Variants in SESTD1 observed in about 807,000 individuals in gnomAD.
The protein encoded by SESTD1 is SEC14 domain and spectrin repeat-containing protein 1.
A neutral mutation model predicts 101.7 loss-of-function variants in SESTD1; 43 were observed. The observed-to-expected ratio is 0.42, with a 90% CI of 0.33 to 0.55. The LOEUF (loss-of-function observed/expected upper bound fraction) is 0.55. SESTD1 is among the 20% of genes least tolerant of loss of function. SESTD1 has a pLI of 0.07. For synonymous variants in SESTD1, 283 were observed against 286.8 expected (o/e 0.99, Z 0.13); for missense variants, 647 against 815.1 (o/e 0.79, Z 2.51).
chr2:179,144,259 A>T (rs1231877364), intron 8 of SESTD1, among the ~76,000 whole-genome samples: 1 of 152,118 alleles, frequency 6.6e-6, no homozygotes, highest in Non-Finnish European at 1.5e-5. Context: ...AATATGTTGT[A>T]GGATTTCAGT....
intron 1 of SESTD1, among the ~76,000 whole-genome samples, chr2:179,230,480 T>A (rs2046971346): frequency 6.6e-6 from 1 of 151,374 alleles, no homozygotes; most frequent in African/African-American, 2.4e-5. Context: ...ATGAAAACCA[T>A]CATAAATCAG....
intron 2 of SESTD1, 30 bp from the exon 3 acceptor site, chr2:179,183,218 G>T: frequency 1.4e-6 from 2 of 1,399,912 alleles, no homozygotes; most frequent in Non-Finnish European, 2.0e-6. Flanking sequence ...AATTTAACAT[G>T]TAATACATAT....
At chr2:179,263,196 G>GGTTT in intron 1 of SESTD1, among the ~76,000 whole-genome samples, 1 of 152,014 alleles carries the variant, frequency 6.6e-6, no homozygotes, top group Admixed American at 6.6e-5. Context: ...TTAGTCATGG[G>GGTTT]GCAAAGTATT....
chr2:179,157,491 T>G (rs2045653805), intron 5 of SESTD1, among the ~76,000 whole-genome samples: 1 of 152,038 alleles, frequency 6.6e-6, no homozygotes, highest in Non-Finnish European at 1.5e-5. Context: ...ATAATAACAG[T>G]GTCATTGTTT....
At chr2:179,197,522 T>A (rs1299481976) in intron 1 of SESTD1, among the ~76,000 whole-genome samples, 1 of 151,686 alleles carries the variant, frequency 6.6e-6, no homozygotes, top group Non-Finnish European at 1.5e-5. Context: ...TTCACCAAAG[T>A]TGAAATGAAG....
Position 179,148,041 on chromosome 2 carries a change from T to A in SESTD1, c.581+1256A>T, listed in dbSNP as rs527626168. On this transcript the variant is annotated intron_variant, in intron 7 of 17. Transcript: ENST00000428443. ...ACATTTTTATACGGCATCTGTAGGA[T>A]GGAAACATTCCTAACTGCTTGTGAC... Among the ~76,000 whole-genome samples, 7 of 152,360 alleles carry A rather than the reference T, an allele frequency of 4.6e-5. No individual in the cohort carries two copies. The East Asian group carries it at 1.3e-3, about 29-fold the overall frequency.
intron 7 of SESTD1, among the ~76,000 whole-genome samples, chr2:179,148,943 C>T (rs970726762): frequency 2.6e-5 from 4 of 151,370 alleles, no homozygotes; most frequent in African/African-American, 4.9e-5. Flanking sequence ...GCCTGTAGTC[C>T]CAGCTACTGG....
At chr2:179,148,033 C>T (rs1401273857) in intron 7 of SESTD1, among the ~76,000 whole-genome samples, 1 of 152,164 alleles carries the variant, frequency 6.6e-6, no homozygotes, top group Non-Finnish European at 1.5e-5. Flanking sequence ...TATACGGCAT[C>T]TGTAGGATGG....
rs147850276 is a variant in SESTD1 at position 179,163,736 on chromosome 2, A to T, written c.369+8384T>A. Among the ~76,000 whole-genome samples the T allele has an allele frequency of 9.1e-4, 138 of 152,242 alleles. 3 individuals carry two copies. The East Asian group carries it at 0.02, about 22-fold the overall frequency. Reference sequence around the variant, plus strand: ...ATGCTAGAGAAGTTAAGACAAGACAAATTAAATGACTAAACCACAATATTG... The same window carrying T: ...ATGCTAGAGAAGTTAAGACAAGACATATTAAATGACTAAACCACAATATTG... On this transcript the variant is annotated intron_variant, in intron 5 of 17. Transcript: ENST00000428443.
rs528327998 is a variant in SESTD1, at chr2:179,120,182, T to TCA, written c.1442+1586_1442+1587dup. On this transcript the variant is annotated intron_variant, in intron 13 of 17. Coordinates refer to ENST00000428443, the MANE Select transcript of SESTD1 (RefSeq NM_178123.5). ...AGGTGGATGTTGCAGTGAGCCTTGA[T>TCA]CATACCACTGCACTCCAGCCTAGTG... Among the ~76,000 whole-genome samples, 231 of 151,770 alleles carry TCA rather than the reference T, an allele frequency of 1.5e-3. 1 individual carries two copies. Among genetic ancestry groups the TCA allele is most frequent in the Middle Eastern group, 0.014 (4 of 292 alleles).
At chr2:179,202,040 G>C (rs1312805213) in intron 1 of SESTD1, among the ~76,000 whole-genome samples, 1 of 131,892 alleles carries the variant, frequency 7.6e-6, no homozygotes, top group Admixed American at 7.4e-5. Context: ...GGTTTGTAAA[G>C]GGAAATTTAG....
chr2:179,195,903 G>C (rs866961406), intron 1 of SESTD1, among the ~76,000 whole-genome samples: 43 of 151,504 alleles, frequency 2.8e-4, no homozygotes, highest in African/African-American at 1.0e-3. Context: ...GTAAATTCTT[G>C]TCCTAAAATA....
intron 1 of SESTD1, among the ~76,000 whole-genome samples, chr2:179,256,726 C>G (rs868759545): frequency 2.0e-5 from 3 of 149,832 alleles, no homozygotes; most frequent in Non-Finnish European, 4.4e-5. Flanking sequence ...ACAGGAGAAT[C>G]ACTTGAACCC....
At chr2:179,191,984 GATAATT>G in intron 1 of SESTD1, 118 bp from the exon 2 acceptor site, 1 of 709,190 alleles carries the variant, frequency 1.4e-6, no homozygotes. Context: ...TTTTGAGCAA[GATAATT>G]CTTTTTTTGT....
At chr2:179,225,305 C>T (rs2046869427) in intron 1 of SESTD1, among the ~76,000 whole-genome samples, 1 of 152,188 alleles carries the variant, frequency 6.6e-6, no homozygotes, top group South Asian at 2.1e-4. Context: ...AGAAGCCCTA[C>T]TCTTAAGCTC....
chr2:179,112,001 G>A (rs1167097599), intron 17 of SESTD1, among the ~76,000 whole-genome samples: 1 of 152,126 alleles, frequency 6.6e-6, no homozygotes, highest in African/African-American at 2.4e-5. Context: ...TTACAGGCGT[G>A]AGCCACCACG....
Position 179,109,963 on chromosome 2 carries a change from A to G in SESTD1, c.2027T>C (p.Met676Thr), listed in dbSNP as rs1294271634. The part of the protein sequence containing the change: ...ASTAENIRDR[M>T]KLVNLKRQQL... ...CTGCCTTTTGAGATTAACTAGTTTC[A>G]TCCTGTCTCTGATGTTTTCTGCAGT... The change falls in exon 18 of 18, where the codon ATG (methionine) becomes ACG (threonine). Residue 676 changes from methionine to threonine, a missense_variant. By Grantham distance (81) the Met-to-Thr change is moderately conservative. This residue lies in a region of SESTD1 where 476 missense variants were observed against 562.6 expected (regional missense o/e 0.85). Transcript: ENST00000428443. 2 of 1,613,976 alleles carry G rather than the reference A, an allele frequency of 1.2e-6. No individual in the cohort carries two copies. The highest frequency in any genetic ancestry group is 2.2e-5 in the East Asian group (1 of 44,864).
At chr2:179,195,111 G>A (rs572441635) in intron 1 of SESTD1, among the ~76,000 whole-genome samples, 2 of 152,358 alleles carry the variant, frequency 1.3e-5, no homozygotes, top group Admixed American at 1.3e-4. Context: ...ACTTCTCCAA[G>A]TAAGTGTTCT....
chr2:179,223,722 A>G (rs543755121), intron 1 of SESTD1, among the ~76,000 whole-genome samples: 22 of 152,318 alleles, frequency 1.4e-4, no homozygotes, highest in African/African-American at 5.1e-4. Context: ...TAAAACAATG[A>G]CAATAAAAGA....
Sources: gnomAD v4.1 joint callset for allele counts (sites outside exome capture counted in the v4.1 genomes callset) on GRCh38, gnomAD v4.1.1 for gene constraint, gnomAD v4.1.1 regional missense constraint, MANE v1.5 for transcripts, NCBI Gene and HGNC (gene_info 2026-07-23, HGNC 2026-07-21) for gene names.